OR56A3: variants seen among roughly 807,000 people sequenced by gnomAD.
The protein encoded by OR56A3 is olfactory receptor 56A3.
A neutral mutation model predicts 17.5 loss-of-function variants in OR56A3; 23 were observed. The ratio of observed to expected loss-of-function variants is 1.32; its 90% confidence interval spans 0.95 to 1.87. The LOEUF (loss-of-function observed/expected upper bound fraction) is 1.87. Among genes scored for constraint, OR56A3 ranks in the 40% most tolerant of loss-of-function variants. The pLI, the probability that OR56A3 is intolerant of heterozygous loss-of-function variation, is 0.00. For synonymous variants in OR56A3, 175 were observed against 150.6 expected, an observed-to-expected ratio of 1.16 and a Z score of -1.19; for missense variants, 366 against 380.1, an observed-to-expected ratio of 0.96 and a Z score of 0.31.
At chr11:5,963,572 T>C in the OR56A3 span, among the ~76,000 whole-genome samples, 15 of 152,272 alleles carry the variant, frequency 9.9e-5, no homozygotes, top group African/African-American at 3.6e-4. Flanking sequence ...GCTAGACATA[T>C]TGGAGCTTCT....
the OR56A3 span, chr11:5,987,040 G>C: frequency 9.9e-7 from 1 of 1,006,190 alleles, no homozygotes; most frequent in Non-Finnish European, 1.5e-6. Context: ...TTAGCTACAG[G>C]GAAGAAAATC....
the OR56A3 span, among the ~76,000 whole-genome samples, chr11:5,961,091 G>A: frequency 6.6e-6 from 1 of 151,530 alleles, no homozygotes; most frequent in Non-Finnish European, 1.5e-5. Context: ...CCGGGAGCTG[G>A]GGGGCAGCCC....
chr11:5,957,578 A>G, the OR56A3 span, among the ~76,000 whole-genome samples: 16 of 152,326 alleles, frequency 1.1e-4, 1 homozygote, highest in East Asian at 3.1e-3. Context: ...TATTTAGAAA[A>G]GGACATGAGC....
At chr11:5,942,854 G>A (rs1847847316) in intron 1 of OR56A3, among the ~76,000 whole-genome samples, 1 of 152,360 alleles carries the variant, frequency 6.6e-6, no homozygotes, top group African/African-American at 2.4e-5. Context: ...TACCAAGATA[G>A]AACCCTAGCA....
chr11:5,971,129 T>C, the OR56A3 span, among the ~76,000 whole-genome samples: 1 of 152,162 alleles, frequency 6.6e-6, no homozygotes, highest in Middle Eastern at 3.2e-3. Flanking sequence ...CATTCACTTT[T>C]AGTGCCCTCT....
At chr11:5,996,577 G>A in the OR56A3 span, among the ~76,000 whole-genome samples, 4 of 151,258 alleles carry the variant, frequency 2.6e-5, no homozygotes, top group Non-Finnish European at 5.9e-5. Context: ...TCCTCCAAAT[G>A]TGGTAATAAG....
chr11:5,950,751 C>T lies in OR56A3; in HGVS notation c.*2457C>T, dbSNP rs1244653500. ...TGCACATTCCTTTTCTGTACTAAGT[C>T]TTTGAAACACCCTGAGTATTTTACA... On this transcript the variant is annotated 3_prime_UTR_variant, in exon 3 of 3. Transcript: ENST00000641160. The T allele has an allele frequency of 6.6e-6, 1 of 152,030 alleles. No homozygotes were observed. Among genetic ancestry groups the T allele is most frequent in the Non-Finnish European group, 1.5e-5 (1 of 67,962 alleles). 9.4% of individuals were successfully genotyped at this position (152,030 alleles called of 1,614,324 possible). A position where few individuals can be genotyped will look rare whatever the true frequency, so the allele number is the denominator to read the frequency against.
At chr11:5,955,772 C>T (rs78754004), downstream of OR56A3, among the ~76,000 whole-genome samples, 7 of 152,238 alleles carry the variant, frequency 4.6e-5, no homozygotes, top group East Asian at 1.4e-3. Context: ...TTATTAAAAA[C>T]AAATTATGAT....
chr11:5,979,654 T>A, the OR56A3 span, among the ~76,000 whole-genome samples: 1 of 152,048 alleles, frequency 6.6e-6, no homozygotes, highest in Admixed American at 6.6e-5. Flanking sequence ...AAGAAAAACG[T>A]TTTGGTTTCA....
At chr11:6,006,915 C>T in the OR56A3 span, 2 of 152,422 alleles carry the variant, frequency 1.3e-5, no homozygotes, top group Non-Finnish European at 2.9e-5. Flanking sequence ...CCTTGAGACT[C>T]ACCAAATTCA....
chr11:5,992,448 C>G, the OR56A3 span, among the ~76,000 whole-genome samples: 1 of 152,184 alleles, frequency 6.6e-6, no homozygotes. Flanking sequence ...TTAATTTCTT[C>G]TTCTGCTTCA....
the OR56A3 span, chr11:5,999,737 AT>A: frequency 6.6e-6 from 1 of 152,224 alleles, no homozygotes; most frequent in African/African-American, 2.4e-5. Flanking sequence ...TGTTCAACAC[AT>A]TTTTATTTTA....
At chr11:6,004,125 A>T in the OR56A3 span, among the ~76,000 whole-genome samples, 1 of 152,066 alleles carries the variant, frequency 6.6e-6, no homozygotes, top group Non-Finnish European at 1.5e-5. Flanking sequence ...AGGCCAAGGG[A>T]GGCAGATCAT....
the OR56A3 span, chr11:5,999,389 C>T: frequency 6.6e-6 from 1 of 152,118 alleles, no homozygotes; most frequent in South Asian, 2.1e-4. Flanking sequence ...TGTACAAAAA[C>T]TTTTATTAAT....
At chr11:6,002,536 C>A in the OR56A3 span, 1 of 1,614,214 alleles carries the variant, frequency 6.2e-7, no homozygotes, top group Non-Finnish European at 8.5e-7. Context: ...GCATTCCGGG[C>A]TATAACAAAG....
chr11:6,009,368 CCTT>C, the OR56A3 span, among the ~76,000 whole-genome samples: 1,192 of 152,214 alleles, frequency 7.8e-3, 17 homozygotes, highest in African/African-American at 0.027. Flanking sequence ...TTTGATTTTT[CCTT>C]CTTAACTCTT....
chr11:6,021,475 C>T, the OR56A3 span: 1 of 151,896 alleles, frequency 6.6e-6, no homozygotes, highest in African/African-American at 2.4e-5. Flanking sequence ...GCTCACTACA[C>T]GTTGTATGTA....
chr11:5,999,708 T>C, the OR56A3 span: 1 of 152,240 alleles, frequency 6.6e-6, no homozygotes, highest in Non-Finnish European at 1.5e-5. Flanking sequence ...AGATCACTTA[T>C]AAAATGTTCT....
chr11:5,980,702 C>A, the OR56A3 span, among the ~76,000 whole-genome samples: 2 of 152,168 alleles, frequency 1.3e-5, no homozygotes, highest in South Asian at 2.1e-4. Flanking sequence ...TTAATATATG[C>A]AGATTTGATC....
Sources: allele counts gnomAD v4.1 joint callset (sites outside exome capture counted in the v4.1 genomes callset), GRCh38; gene constraint gnomAD v4.1.1; transcripts MANE v1.5; gene names NCBI Gene and HGNC (gene_info 2026-07-23, HGNC 2026-07-21).